DCHS2: variants seen among roughly 807,000 people sequenced by gnomAD.
The protein encoded by DCHS2 is protocadherin-23.
In DCHS2, 142 loss-of-function variants were observed where a neutral mutation model predicts 182.4. That is an observed-to-expected ratio of 0.78 (90% confidence interval 0.68 to 0.89). The LOEUF is 0.89. Among genes scored for constraint, DCHS2 ranks in the 40% least tolerant of loss-of-function variants. The pLI is 0.00. For synonymous variants in DCHS2, 1,740 were observed against 1,663.3 expected (o/e 1.05, Z -1.12); for missense variants, 4,319 against 4,198.6 (o/e 1.03, Z -0.79).
intron 7 of DCHS2, chr4:154,322,989 CTTTA>C: frequency 2.1e-6 from 1 of 483,186 alleles, no homozygotes. Context: ...CATAAATACT[CTTTA>C]TTTTTCTTGT....
chr4:154,343,061 C>G (rs2111389043), intron 3 of DCHS2, among the ~76,000 whole-genome samples: 1 of 152,278 alleles, frequency 6.6e-6, no homozygotes, highest in African/African-American at 2.4e-5. Context: ...TCTTAGGTAG[C>G]CATGTGCATT....
At chr4:154,411,900 G>T (rs186329331) in intron 1 of DCHS2, among the ~76,000 whole-genome samples, 1 of 152,156 alleles carries the variant, frequency 6.6e-6, no homozygotes, top group East Asian at 1.9e-4. Flanking sequence ...TAGAAATAAA[G>T]AAAACACAAT....
At position 154,377,314 on chromosome 4, in the gene DCHS2, T is replaced by C. The variant is rs1730950272; in HGVS notation, c.2183A>G (p.Gln728Arg). 16 of 1,613,692 alleles carry C rather than the reference T, an allele frequency of 9.9e-6. No homozygotes were observed. The highest frequency in any genetic ancestry group is 1.4e-5 in the Non-Finnish European group (16 of 1,179,740). The change falls in exon 2 of 20, where the codon CAA (glutamine) becomes CGA (arginine). Residue 728 changes from glutamine (Q) to arginine (R), a missense_variant. By Grantham distance (43) the Gln-to-Arg change is conservative. Coordinates refer to ENST00000357232, the MANE Select transcript of DCHS2 (RefSeq NM_001358235.2). ...TGGATCCCTTTCCCTGTCGATATCT[T>C]GAGAAACACAGATTTGCCCATCATG... is the stretch of plus-strand genomic sequence containing the variant. ...DPHDGQICVSQDIDRERDPAT... is the reference protein window; with the variant it reads ...DPHDGQICVSRDIDRERDPAT...
intron 2 of DCHS2, among the ~76,000 whole-genome samples, chr4:154,367,523 GAGAA>G (rs1285682866): frequency 1.3e-5 from 2 of 152,218 alleles, no homozygotes; most frequent in Admixed American, 6.5e-5. Context: ...TAAAATCAAG[GAGAA>G]AGAGAGCAAA....
chr4:154,298,888 T>G, intron 12 of DCHS2, 180 bp from the exon 13 acceptor site: 1 of 811,558 alleles, frequency 1.2e-6, no homozygotes, highest in Non-Finnish European at 1.7e-6. Flanking sequence ...GGCTCTGCCC[T>G]CATGAAACTT....
intron 1 of DCHS2, among the ~76,000 whole-genome samples, chr4:154,483,650 C>A (rs1425165655): frequency 6.6e-6 from 1 of 152,164 alleles, no homozygotes; most frequent in East Asian, 1.9e-4. Flanking sequence ...TGCCTTAATG[C>A]CTGGGACTGT....
intron 3 of DCHS2, among the ~76,000 whole-genome samples, chr4:154,345,810 C>A (rs1042530863): frequency 4.0e-4 from 61 of 152,042 alleles, no homozygotes; most frequent in African/African-American, 1.4e-3. Context: ...ATAAACAAAC[C>A]AACCTGGAAA....
At chr4:154,331,709 C>G in intron 5 of DCHS2, 2 of 1,612,086 alleles carry the variant, frequency 1.2e-6, no homozygotes, top group Non-Finnish European at 1.7e-6. Flanking sequence ...ATGGTGCCTG[C>G]TGGACCTGCA....
intron 1 of DCHS2, among the ~76,000 whole-genome samples, chr4:154,468,755 G>A (rs143214292): frequency 1.2e-4 from 18 of 152,034 alleles, no homozygotes; most frequent in African/African-American, 3.1e-4. Context: ...GGCTCTATTC[G>A]TTAGGACTCC....
chr4:154,433,859 A>G (rs1460808497), intron 1 of DCHS2, among the ~76,000 whole-genome samples: 1 of 152,160 alleles, frequency 6.6e-6, no homozygotes, highest in Non-Finnish European at 1.5e-5. Context: ...ATGCCTTCAT[A>G]TATAGTCACT....
In DCHS2 at chr4:154,239,269, A is replaced by G. The variant is rs1297351705; in HGVS notation, c.7393T>C (p.Ser2465Pro). The change falls in exon 19 of 20, where the codon TCA becomes CCA. Residue 2465 changes from serine (S) to proline (P), a missense_variant. Coordinates refer to ENST00000357232, the MANE Select transcript of DCHS2 (RefSeq NM_001358235.2). ...TVPESIPVGY[S>P]VLTLSATDLE... ...TCTGTGGCTGACAGAGTCAGCACTG[A>G]ATACCCCACAGGTATTGATTCAGGA... 2 of 1,613,494 alleles carry G rather than the reference A, an allele frequency of 1.2e-6. No individual in the cohort carries two copies. Among genetic ancestry groups the G allele is most frequent in the African/African-American group, 2.7e-5 (2 of 75,012 alleles).
chr4:154,272,690 A>G lies in DCHS2; in HGVS notation c.6464-2677T>C, dbSNP rs536866015. ...CCATGCAGAACTGTGAGTCAATTAAACCTCTTTCCTTTGTAAGTTACCCAG... is the reference window on the plus strand; with the variant it reads ...CCATGCAGAACTGTGAGTCAATTAAGCCTCTTTCCTTTGTAAGTTACCCAG... On this transcript the variant is annotated intron_variant, in intron 13 of 19. Transcript: ENST00000357232. Among the ~76,000 whole-genome samples, 4 of 152,106 alleles carry G rather than the reference A, an allele frequency of 2.6e-5. No individual in the cohort carries two copies. In the East Asian group the frequency reaches 7.7e-4, roughly 29 times the overall value.
At chr4:154,351,962 A>G (rs114149846) in intron 3 of DCHS2, among the ~76,000 whole-genome samples, 6,764 of 152,110 alleles carry the variant, frequency 0.044, 196 homozygotes, top group Non-Finnish European at 0.069. Context: ...TCTATGAATT[A>G]TGTATATTAG....
chr4:154,431,384 A>G (rs1481793664), intron 1 of DCHS2, among the ~76,000 whole-genome samples: 1 of 152,200 alleles, frequency 6.6e-6, no homozygotes, highest in Non-Finnish European at 1.5e-5. Flanking sequence ...TCAACATACC[A>G]GTATCATTCA....
chr4:154,371,137 G>T (rs972912350), intron 2 of DCHS2, among the ~76,000 whole-genome samples: 2 of 151,960 alleles, frequency 1.3e-5, no homozygotes, highest in Non-Finnish European at 2.9e-5. Flanking sequence ...TGAGGAAACT[G>T]GTGAAGAGGA....
chr4:154,242,814 G>A, intron 16 of DCHS2, 42 bp from the exon 17 acceptor site: 1 of 1,558,076 alleles, frequency 6.4e-7, no homozygotes, highest in Non-Finnish European at 8.6e-7. Context: ...TCATCATCCA[G>A]GAATTAGAAA....
Position 154,240,699 on chromosome 4 carries a change from AGTGTTCTGATCAAT to A in DCHS2, c.7183_7196del (p.Ile2395TrpfsTer12). On this transcript the variant is annotated frameshift_variant, in exon 18 of 20. Coordinates refer to ENST00000357232, the MANE Select transcript of DCHS2 (RefSeq NM_001358235.2). LOFTEE classifies it high-confidence loss of function. ...ATGTTTTCACCAACACCACCACTCC[AGTGTTCTGATCAAT>A]AGCAAACTTGGTTCCAGGATTACTC... 6.2e-7 allele frequency: 1 copy of A among 1,613,994 alleles called. No homozygotes were observed. The highest frequency in any genetic ancestry group is 8.5e-7 in the Non-Finnish European group (1 of 1,179,912).
intron 16 of DCHS2, among the ~76,000 whole-genome samples, chr4:154,244,655 CCTT>C (rs1426715028): frequency 6.6e-6 from 1 of 152,138 alleles, no homozygotes; most frequent in Non-Finnish European, 1.5e-5. Context: ...AACATCAACT[CCTT>C]CTTGGTTTGA....
chr4:154,324,124 T>A (rs1487560041), intron 7 of DCHS2, among the ~76,000 whole-genome samples: 1 of 152,252 alleles, frequency 6.6e-6, no homozygotes, highest in Admixed American at 6.5e-5. Context: ...CCAACTATGA[T>A]AAGTAAAATT....
Sources: gnomAD v4.1 joint callset for allele counts (sites outside exome capture counted in the v4.1 genomes callset) on GRCh38, gnomAD v4.1.1 for gene constraint, MANE v1.5 for transcripts, NCBI Gene and HGNC (gene_info 2026-07-23, HGNC 2026-07-21) for gene names.